The following STAT4 variants were observed in gnomAD, a reference collection of about 807,000 sequenced individuals.
STAT4 encodes signal transducer and activator of transcription 4.
In STAT4, 42 loss-of-function variants were observed where a neutral mutation model predicts 110.5. The ratio of observed to expected loss-of-function variants is 0.38; its 90% CI spans 0.30 to 0.49. The LOEUF (loss-of-function observed/expected upper bound fraction) is 0.49, where lower values mean the gene tolerates loss of function less well. Ranked by LOEUF, STAT4 falls within the 20% of genes least tolerant of loss-of-function variation. STAT4 has a pLI of 0.95. For missense variants in STAT4, 632 were observed against 887.9 expected (o/e 0.71, Z 3.66); for synonymous variants, 284 against 302.2 (o/e 0.94, Z 0.63).
At chr2:191,034,982 G>A (rs755103336) in intron 17 of STAT4, among the ~76,000 whole-genome samples, 16 of 152,074 alleles carry the variant, frequency 1.1e-4, no homozygotes, top group Non-Finnish European at 1.6e-4. Context: ...GCCTAATGTC[G>A]GTAAATGAAC....
intron 14 of STAT4, chr2:191,041,788 C>G (rs1696205860): frequency 6.6e-6 from 1 of 152,236 alleles, no homozygotes; most frequent in Non-Finnish European, 1.5e-5. Context: ...AGACTGCAGA[C>G]CAGGATGTGC....
intron 16 of STAT4, among the ~76,000 whole-genome samples, chr2:191,036,805 T>A (rs927228221): frequency 3.9e-5 from 6 of 152,202 alleles, no homozygotes; most frequent in African/African-American, 1.2e-4. Context: ...TTGCTGCAGA[T>A]CCATACATAT....
rs896113884 is a variant in STAT4 at position 191,066,673 on chromosome 2, T to C, written c.545-158A>G. On this transcript the variant is annotated intron_variant, in intron 6 of 23. Transcript: ENST00000392320. The surrounding 1 kb of genome is among the most constrained non-coding windows in gnomAD (Gnocchi z 4.3). ...TGAGCTTGGAAGTCTGTCTGCTCAT[T>C]TTGCCAGGGAGAATCACATCCAAGC... Among the ~76,000 whole-genome samples the C allele has an allele frequency of 1.3e-5, 2 of 152,112 alleles. No homozygotes were observed. The highest frequency in any genetic ancestry group is 4.8e-5 in the African/African-American group (2 of 41,410).
intron 3 of STAT4, among the ~76,000 whole-genome samples, chr2:191,088,848 G>C (rs1357970932): frequency 6.6e-6 from 1 of 152,172 alleles, no homozygotes; most frequent in Non-Finnish European, 1.5e-5. Context: ...TTCAACAAGT[G>C]GTGCTGGAAT....
At chr2:191,045,458 T>C (rs1347302506) in intron 14 of STAT4, among the ~76,000 whole-genome samples, 2 of 152,124 alleles carry the variant, frequency 1.3e-5, no homozygotes, top group Non-Finnish European at 2.9e-5. Flanking sequence ...AATTTGGAGA[T>C]ATAAAGCTTC....
chr2:191,059,433 A>G lies in STAT4; in HGVS notation c.1035-664T>C, dbSNP rs979552335. ...AGATTTCTGTCCTGTGATGTAACCT[A>G]CCTGTGGGTTCAGTGCAGTTTCAGA... is the stretch of plus-strand genomic sequence containing the variant. On this transcript the variant is annotated intron_variant, in intron 10 of 23. Coordinates refer to ENST00000392320, the MANE Select transcript of STAT4 (RefSeq NM_003151.4). The surrounding 1 kb of genome is among the most constrained non-coding windows in gnomAD (Gnocchi z 4.7). 2.0e-5 allele frequency among the ~76,000 whole-genome samples: 3 copies of G among 152,128 alleles called. No homozygotes were observed. Among genetic ancestry groups the G allele is most frequent in the Non-Finnish European group, 2.9e-5 (2 of 68,032 alleles).
rs57853934 is a variant in STAT4, at chr2:191,141,540, G to GAT, written c.273+5071_273+5072dup. Among the ~76,000 whole-genome samples the GAT allele has an allele frequency of 9.3e-3, 1,340 of 143,642 alleles. 36 individuals are homozygous for GAT. The highest frequency in any genetic ancestry group is 0.033 in the African/African-American group (1,263 of 38,734). The allele number at this position is 143,642 out of a possible 152,430, so 94.2% of individuals were successfully genotyped here. On this transcript the variant is annotated intron_variant, in intron 3 of 23. Transcript: ENST00000392320. The stretch of plus-strand genomic sequence containing the variant: ...ATATGTATATCACATATACATATAT[G>GAT]ATATATATATTTTTATATATACCAT...
rs189533802 is a variant in STAT4, at chr2:191,103,219, G to A, written c.274-26894C>T. On this transcript the variant is annotated intron_variant, in intron 3 of 23. Transcript: ENST00000392320. ...GCTATGTTTGCCAGTCTCTTGTTAC[G>A]TGGAATTTTTTTAGGTCCCAGGCAT... is the stretch of plus-strand genomic sequence containing the variant. 5.9e-5 allele frequency among the ~76,000 whole-genome samples: 9 copies of A among 152,170 alleles called. No homozygotes were observed. The East Asian group carries it at 1.4e-3, about 23-fold the overall frequency.
At chr2:191,072,308 T>G (rs993392231) in intron 5 of STAT4, among the ~76,000 whole-genome samples, 4 of 152,194 alleles carry the variant, frequency 2.6e-5, no homozygotes, top group Non-Finnish European at 4.4e-5. Context: ...ATCTACACAC[T>G]TGCAGAGTGA....
chr2:191,124,467 A>AC (rs1280510623), intron 3 of STAT4, among the ~76,000 whole-genome samples: 26 of 151,856 alleles, frequency 1.7e-4, no homozygotes, highest in African/African-American at 4.8e-4. Context: ...AAAAAAAAAA[A>AC]AAAAAAAAGA....
chr2:191,090,047 TGG>T lies in STAT4; in HGVS notation c.274-13724_274-13723del, dbSNP rs1697747794. On this transcript the variant is annotated intron_variant, in intron 3 of 23. Transcript: ENST00000392320. This position sits in a 1 kb window ranked among gnomAD's most constrained non-coding sequence, Gnocchi z 4.2. ...ATATAGTGAGCCCTAATGTAAATTA[TGG>T]GACTTTAGTTAATAATAATATAATA... Among the ~76,000 whole-genome samples the T allele has an allele frequency of 6.6e-6, 1 of 152,144 alleles. No homozygotes were observed. Among genetic ancestry groups the T allele is most frequent in the Non-Finnish European group, 1.5e-5 (1 of 68,024 alleles).
chr2:191,030,943 A>G lies in STAT4; in HGVS notation c.2220+29T>C, dbSNP rs1321117076. 2 of 1,598,390 alleles carry G rather than the reference A, an allele frequency of 1.3e-6. No homozygotes were observed. The highest frequency in any genetic ancestry group is 2.7e-5 in the African/African-American group (2 of 74,556). Reference sequence around the variant, plus strand: ...CTTTGCATCGTTGGAAACACCTTTGACCAGCAATGGAAAATAAAGGGAACA... The same window carrying G: ...CTTTGCATCGTTGGAAACACCTTTGGCCAGCAATGGAAAATAAAGGGAACA... On this transcript the variant is annotated intron_variant, in intron 23 of 23. Coordinates refer to ENST00000392320, the MANE Select transcript of STAT4 (RefSeq NM_003151.4). The surrounding 1 kb of genome is among the most constrained non-coding windows in gnomAD (Gnocchi z 4.4).
At position 191,051,839 on chromosome 2, in the gene STAT4, T is replaced by C. The variant is rs1485615637; in HGVS notation, c.1251+2651A>G. 6.6e-6 allele frequency among the ~76,000 whole-genome samples: 1 copy of C among 152,196 alleles called. No homozygotes were observed. The highest frequency in any genetic ancestry group is 6.5e-5 in the Admixed American group (1 of 15,286). On this transcript the variant is annotated intron_variant, in intron 14 of 23. Coordinates refer to ENST00000392320, the MANE Select transcript of STAT4 (RefSeq NM_003151.4). This position sits in a 1 kb window ranked among gnomAD's most constrained non-coding sequence, Gnocchi z 5.6. ...GCCCTGCCATCAACTGCCCCCACTA[T>C]CTTGAGTAAGCTGTGTGACCACTCT...
At chr2:191,048,597 G>A (rs1198152333) in intron 14 of STAT4, among the ~76,000 whole-genome samples, 1 of 149,110 alleles carries the variant, frequency 6.7e-6, no homozygotes, top group Non-Finnish European at 1.5e-5. Context: ...CCAACATGGT[G>A]AAACCCCGTC....
Position 191,077,015 on chromosome 2 carries a change from G to T in STAT4, c.274-690C>A, listed in dbSNP as rs1697334379. On this transcript the variant is annotated intron_variant, in intron 3 of 23. Coordinates refer to ENST00000392320, the MANE Select transcript of STAT4 (RefSeq NM_003151.4). This position sits in a 1 kb window ranked among gnomAD's most constrained non-coding sequence, Gnocchi z 4.1. Reference sequence around the variant, plus strand: ...GTGTCATGGTTTGCTTAAAGCATTTGTTTCTGTCCCTATTTGGTACTGTTT... The same window carrying T: ...GTGTCATGGTTTGCTTAAAGCATTTTTTTCTGTCCCTATTTGGTACTGTTT... Among the ~76,000 whole-genome samples the T allele has an allele frequency of 6.6e-6, 1 of 152,136 alleles. No individual in the cohort carries two copies. Among genetic ancestry groups the T allele is most frequent in the Non-Finnish European group, 1.5e-5 (1 of 68,018 alleles).
In STAT4 at chr2:191,138,236, C is replaced by G. The variant is rs1559084204; in HGVS notation, c.273+8377G>C. On this transcript the variant is annotated intron_variant, in intron 3 of 23. Coordinates refer to ENST00000392320, the MANE Select transcript of STAT4 (RefSeq NM_003151.4). The surrounding 1 kb of genome is among the most constrained non-coding windows in gnomAD (Gnocchi z 4.3). ...TTTCTCAAAAAAAACTAAATCCAAA[C>G]CCAGCATAACACAAGAAATAACAAA... 6.6e-6 allele frequency among the ~76,000 whole-genome samples: 1 copy of G among 151,492 alleles called. No individual in the cohort carries two copies. The highest frequency in any genetic ancestry group is 1.5e-5 in the Non-Finnish European group (1 of 67,800).
chr2:191,134,837 T>A (rs751656793), intron 3 of STAT4, among the ~76,000 whole-genome samples: 10 of 151,920 alleles, frequency 6.6e-5, no homozygotes, highest in Non-Finnish European at 1.0e-4. Context: ...AATCATTGCA[T>A]CAAGGAAGAA....
At chr2:191,076,487 C>T (rs1307409758) in intron 3 of STAT4, among the ~76,000 whole-genome samples, 162 bp from the exon 4 acceptor site, 1 of 152,090 alleles carries the variant, frequency 6.6e-6, no homozygotes, top group African/African-American at 2.4e-5. Context: ...GTTAGAGAAA[C>T]TCATACTGTA....
At chr2:191,114,852 A>G (rs1287390342) in intron 3 of STAT4, among the ~76,000 whole-genome samples, 1 of 152,156 alleles carries the variant, frequency 6.6e-6, no homozygotes, top group Non-Finnish European at 1.5e-5. Flanking sequence ...CACATAATGT[A>G]TTGTTGAAGC....
Sources: gnomAD v4.1 joint callset for allele counts (sites outside exome capture counted in the v4.1 genomes callset) on GRCh38, gnomAD v4.1.1 for gene constraint, Gnocchi (gnomAD v3.1) non-coding constraint, MANE v1.5 for transcripts, NCBI Gene and HGNC (gene_info 2026-07-23, HGNC 2026-07-21) for gene names.